LSM12: variants seen among roughly 807,000 people sequenced by gnomAD.
The protein encoded by LSM12 is protein LSM12.
For missense variants in LSM12, 108 were observed against 238.9 expected, an observed-to-expected ratio of 0.45 and a Z score of 3.61; for synonymous variants, 74 against 87.3, an observed-to-expected ratio of 0.85 and a Z score of 0.85.
At chr17:44,061,429 C>T (rs2049794661) in intron 2 of LSM12, among the ~76,000 whole-genome samples, 1 of 151,848 alleles carries the variant, frequency 6.6e-6, no homozygotes, top group Non-Finnish European at 1.5e-5. Flanking sequence ...AGGTATATTA[C>T]TAAGCCAAGG....
chr17:44,056,494 C>T (rs1312677543), intron 2 of LSM12, among the ~76,000 whole-genome samples: 4 of 151,926 alleles, frequency 2.6e-5, no homozygotes, highest in African/African-American at 9.7e-5. Flanking sequence ...TGGTGGCACA[C>T]ACCTGTAGTC....
At chr17:44,064,381 C>T (rs1193820626) in intron 1 of LSM12, among the ~76,000 whole-genome samples, 2 of 152,184 alleles carry the variant, frequency 1.3e-5, no homozygotes, top group South Asian at 4.1e-4. Flanking sequence ...TCCATTCATT[C>T]ATTCACAAAC....
upstream of LSM12, chr17:44,066,671 CGCGCACGGA>C (rs2049885138): frequency 3.2e-6 from 4 of 1,261,360 alleles, no homozygotes; most frequent in Non-Finnish European, 3.0e-6. Flanking sequence ...GACGCGACGG[CGCGCACGGA>C]GCGTGCTTGC....
chr17:44,042,298 G>T (rs2049505316), intron 2 of LSM12, among the ~76,000 whole-genome samples: 1 of 151,802 alleles, frequency 6.6e-6, no homozygotes, highest in Admixed American at 6.6e-5. Flanking sequence ...AAAAAAAAAT[G>T]GGGGAGCCAT....
chr17:44,040,125 G>C (rs760476922), intron 3 of LSM12, 22 bp downstream of exon 3: 5 of 1,579,150 alleles, frequency 3.2e-6, no homozygotes, highest in South Asian at 1.1e-5. Flanking sequence ...CAGGACAAAG[G>C]ACCTCTCCGA....
chr17:44,055,165 C>G (rs2049694691), intron 2 of LSM12, among the ~76,000 whole-genome samples: 1 of 151,858 alleles, frequency 6.6e-6, no homozygotes, highest in South Asian at 2.1e-4. Context: ...CATTTTTTAA[C>G]TAAGTTAATC....
intron 2 of LSM12, among the ~76,000 whole-genome samples, chr17:44,046,817 G>A (rs1159891890): frequency 6.8e-5 from 8 of 117,932 alleles, no homozygotes; most frequent in Non-Finnish European, 1.3e-4. Flanking sequence ...TGCAACCTCC[G>A]CCTCTGGGGT....
intron 2 of LSM12, among the ~76,000 whole-genome samples, chr17:44,054,756 C>T (rs1185295789): frequency 2.6e-5 from 4 of 152,160 alleles, no homozygotes; most frequent in Non-Finnish European, 5.9e-5. Flanking sequence ...TATGATGAAA[C>T]AGCTATCTGC....
chr17:44,048,289 C>T (rs1429996803), intron 2 of LSM12, among the ~76,000 whole-genome samples: 1 of 151,746 alleles, frequency 6.6e-6, no homozygotes, highest in African/African-American at 2.4e-5. Flanking sequence ...CGAAACCAGC[C>T]TGGTCAACAT....
At chr17:44,064,570 C>CA (rs72236200) in intron 1 of LSM12, among the ~76,000 whole-genome samples, 4,653 of 141,320 alleles carry the variant, frequency 0.033, 218 homozygotes, top group African/African-American at 0.11. Context: ...CCGTCACTAC[C>CA]AAAAAAAAAA....
At chr17:44,065,893 G>A (rs947055430) in intron 1 of LSM12, among the ~76,000 whole-genome samples, 1 of 151,328 alleles carries the variant, frequency 6.6e-6, no homozygotes, top group Admixed American at 6.6e-5. Context: ...ACGCATCAGC[G>A]AAACAAGCCA....
In LSM12 at chr17:44,053,333, T is replaced by C. The variant is rs151059706; in HGVS notation, c.258+10468A>G. On this transcript the variant is annotated intron_variant, in intron 2 of 4. Coordinates refer to ENST00000293406, the MANE Select transcript of LSM12 (RefSeq NM_001371445.1). ...TCGAGTAGATGTGACCAAGACCATA[T>C]GGCCAATACAGCCTAAAAGATTTAC... Among the ~76,000 whole-genome samples the C allele has an allele frequency of 2.9e-3, 435 of 152,306 alleles. 1 individual carries two copies. The highest frequency in any genetic ancestry group is 8.7e-3 in the African/African-American group (363 of 41,564).
Position 44,066,614 on chromosome 17 carries a change from C to A in LSM12, c.-27G>T. ...TTGGGAGTGCAGCCGCGGCCGGCGG[C>A]GGCGGCGGCAGCAGCGGGCGAAAGC... On this transcript the variant is annotated 5_prime_UTR_variant, in exon 1 of 5. Coordinates refer to ENST00000293406, the MANE Select transcript of LSM12 (RefSeq NM_001371445.1). The A allele has an allele frequency of 7.6e-7, 1 of 1,323,686 alleles. No individual in the cohort carries two copies. Among genetic ancestry groups the A allele is most frequent in the Non-Finnish European group, 9.7e-7 (1 of 1,033,072 alleles). 82.0% of individuals were successfully genotyped at this position (1,323,686 alleles called of 1,614,324 possible). A position where few individuals can be genotyped will look rare whatever the true frequency, so the allele number is the denominator to read the frequency against.
chr17:44,059,145 G>A lies in LSM12; in HGVS notation c.258+4656C>T, dbSNP rs551965284. Among the ~76,000 whole-genome samples the A allele has an allele frequency of 2.0e-5, 3 of 152,168 alleles. No individual in the cohort carries two copies. In the South Asian group the frequency reaches 6.2e-4, roughly 32 times the overall value. On this transcript the variant is annotated intron_variant, in intron 2 of 4. Coordinates refer to ENST00000293406, the MANE Select transcript of LSM12 (RefSeq NM_001371445.1). ...GATCATGCCACTGCACTCTAGCCTG[G>A]TCAACAGAATGAGACTATATCTCTA...
intron 3 of LSM12, among the ~76,000 whole-genome samples, chr17:44,038,005 T>C (rs1013652083): frequency 6.6e-6 from 1 of 152,202 alleles, no homozygotes; most frequent in Non-Finnish European, 1.5e-5. Context: ...TGTGGCCTGC[T>C]GGCATAGTTT....
chr17:44,065,182 C>A (rs1468781848), intron 1 of LSM12, among the ~76,000 whole-genome samples: 3 of 151,924 alleles, frequency 2.0e-5, no homozygotes, highest in Non-Finnish European at 2.9e-5. Context: ...GGCCTGTAAT[C>A]CCAGCACTTT....
At chr17:44,063,359 C>G (rs956109632) in intron 2 of LSM12, among the ~76,000 whole-genome samples, 1 of 152,140 alleles carries the variant, frequency 6.6e-6, no homozygotes, top group Non-Finnish European at 1.5e-5. Flanking sequence ...ACCTTTAAGA[C>G]AGTGGCTTTC....
At chr17:44,066,702 G>A (rs1483594061), upstream of LSM12, 6 of 1,212,910 alleles carry the variant, frequency 4.9e-6, no homozygotes, top group Admixed American at 4.4e-5. Flanking sequence ...TCACACGCCG[G>A]GGCGTGGCCT....
chr17:44,047,169 T>C (rs745547659), intron 2 of LSM12, among the ~76,000 whole-genome samples: 1 of 152,242 alleles, frequency 6.6e-6, no homozygotes, highest in African/African-American at 2.4e-5. Flanking sequence ...TGTCTAATGA[T>C]ATCAAGCATC....
Sources: allele counts gnomAD v4.1 joint callset (sites outside exome capture counted in the v4.1 genomes callset), GRCh38; gene constraint gnomAD v4.1.1; transcripts MANE v1.5; gene names NCBI Gene and HGNC (gene_info 2026-07-23, HGNC 2026-07-21).